The following FGD6 variants were observed in gnomAD, a reference collection of about 807,000 sequenced individuals.
The protein encoded by FGD6 is FYVE, RhoGEF and PH domain containing 6, also known as FYVE, RhoGEF and PH domain-containing protein 6.
A neutral mutation model predicts 149.4 loss-of-function variants in FGD6; 90 were observed. That is an observed-to-expected ratio of 0.60 (90% CI 0.51 to 0.72). The LOEUF is 0.72. Among genes scored for constraint, FGD6 ranks in the 30% least tolerant of loss-of-function variants. The pLI is 0.00. For missense variants in FGD6, 1,437 were observed against 1,684.8 expected, an observed-to-expected ratio of 0.85 and a Z score of 2.57; for synonymous variants, 527 against 584.0, an observed-to-expected ratio of 0.90 and a Z score of 1.41.
intron 14 of FGD6, among the ~76,000 whole-genome samples, chr12:95,104,703 G>A (rs1464345171): frequency 2.6e-5 from 4 of 151,992 alleles, no homozygotes; most frequent in African/African-American, 4.8e-5. Flanking sequence ...TCAGCCTCCC[G>A]AAGTCCTGGT....
At chr12:95,174,122 A>G (rs1239362831) in intron 2 of FGD6, among the ~76,000 whole-genome samples, 3 of 152,094 alleles carry the variant, frequency 2.0e-5, no homozygotes, top group African/African-American at 7.2e-5. Flanking sequence ...GCTCCCCAAG[A>G]CATGCAGGAG....
chr12:95,140,011 G>A (rs897710432), intron 6 of FGD6, among the ~76,000 whole-genome samples: 7 of 152,096 alleles, frequency 4.6e-5, no homozygotes, highest in African/African-American at 1.2e-4. Context: ...CTTAGGCTAC[G>A]GCTATGTATT....
chr12:95,100,504 C>T, intron 14 of FGD6: 1 of 342,708 alleles, frequency 2.9e-6, no homozygotes, highest in South Asian at 2.4e-5. Context: ...TCTCGCCCAC[C>T]ATGTCACTAC....
At chr12:95,124,182 G>A (rs1352965658) in intron 8 of FGD6, among the ~76,000 whole-genome samples, 2 of 152,028 alleles carry the variant, frequency 1.3e-5, no homozygotes, top group African/African-American at 4.8e-5. Flanking sequence ...AAAGAGCTGG[G>A]ATTACAGGCG....
intron 14 of FGD6, chr12:95,100,781 G>A (rs1878401437): frequency 1.8e-5 from 8 of 457,104 alleles, no homozygotes; most frequent in South Asian, 3.5e-5. Flanking sequence ...AGTGATGAGC[G>A]AACAGAAAAA....
intron 8 of FGD6, among the ~76,000 whole-genome samples, chr12:95,117,305 T>A (rs1592839263): frequency 6.6e-6 from 1 of 152,194 alleles, no homozygotes; most frequent in Non-Finnish European, 1.5e-5. Context: ...GGCCACCAGG[T>A]GGCATCACTG....
At chr12:95,139,690 C>G (rs1592848529) in intron 6 of FGD6, among the ~76,000 whole-genome samples, 3 of 111,068 alleles carry the variant, frequency 2.7e-5, no homozygotes, top group East Asian at 5.1e-4. Flanking sequence ...GAGTCTCGCT[C>G]TGTCACCCAG....
chr12:95,083,010 A>ATATAT (rs869151967), intron 20 of FGD6, among the ~76,000 whole-genome samples: 3 of 26,990 alleles, frequency 1.1e-4, no homozygotes, highest in African/African-American at 3.5e-4. Context: ...AAAAAAAAAA[A>ATATAT]AAATATATAT....
At position 95,208,914 on chromosome 12, in the gene FGD6, C is replaced by T. The variant is rs2136303226; in HGVS notation, c.2370G>A (p.Val790=). Residue 790 remains valine, a synonymous_variant, in exon 2 of 21, where the codon GTG becomes GTA. Transcript: ENST00000343958. ...SSSMEDADAN[V]YEVEEPYEAP... Reference sequence around the variant, plus strand: ...CTTCATACGGCTCTTCTACCTCATACACATTTGCATCAGCGTCCTCCATGC... The same window carrying T: ...CTTCATACGGCTCTTCTACCTCATATACATTTGCATCAGCGTCCTCCATGC... 1.9e-6 allele frequency: 3 copies of T among 1,614,134 alleles called. No individual in the cohort carries two copies. The highest frequency in any genetic ancestry group is 1.1e-5 in the South Asian group (1 of 91,078).
intron 5 of FGD6, among the ~76,000 whole-genome samples, chr12:95,149,966 ATATAG>A (rs1409892433): frequency 1.1e-4 from 16 of 145,810 alleles, no homozygotes; most frequent in African/African-American, 3.8e-4. Context: ...ACTATATATT[ATATAG>A]TATACTATAT....
chr12:95,197,070 T>C (rs1881752250), intron 2 of FGD6, among the ~76,000 whole-genome samples: 1 of 152,176 alleles, frequency 6.6e-6, no homozygotes, highest in Admixed American at 6.6e-5. Flanking sequence ...GTGGTTTGCC[T>C]AAGAACTTCT....
chr12:95,160,074 G>A (rs993987704), intron 3 of FGD6, among the ~76,000 whole-genome samples: 3 of 151,532 alleles, frequency 2.0e-5, no homozygotes, highest in Non-Finnish European at 2.9e-5. Flanking sequence ...GCTGTGTGCG[G>A]TGGCTCACGC....
chr12:95,194,610 A>AG (rs1245676294), intron 2 of FGD6, among the ~76,000 whole-genome samples: 22 of 99,188 alleles, frequency 2.2e-4, no homozygotes, highest in African/African-American at 7.9e-4. Flanking sequence ...AAGAGGTGGG[A>AG]GGGGGGTGGG....
chr12:95,089,504 G>A (rs1442099279), intron 18 of FGD6, 65 bp downstream of exon 18: 10 of 1,512,386 alleles, frequency 6.6e-6, no homozygotes, highest in East Asian at 2.3e-5. Flanking sequence ...AAAGAAAAAC[G>A]GTGTATTATA....
At chr12:95,186,443 C>T (rs1443591512) in intron 2 of FGD6, among the ~76,000 whole-genome samples, 2 of 149,306 alleles carry the variant, frequency 1.3e-5, no homozygotes, top group Non-Finnish European at 3.0e-5. Flanking sequence ...AGTGATCCTC[C>T]TGCCTCAGCC....
chr12:95,171,618 C>T lies in FGD6; in HGVS notation c.2586+982G>A, dbSNP rs112174281. ...GCAAGCTCCGCCTCCCGGGTTCACG[C>T]CATTCTCCCGCCTCAGCCTCCTGAG... On this transcript the variant is annotated intron_variant, in intron 3 of 20. Coordinates refer to ENST00000343958, the MANE Select transcript of FGD6 (RefSeq NM_018351.4). Among the ~76,000 whole-genome samples the T allele has an allele frequency of 2.5e-3, 379 of 152,294 alleles. 1 individual carries two copies. Among genetic ancestry groups the T allele is most frequent in the African/African-American group, 8.4e-3 (348 of 41,576 alleles).
At chr12:95,111,086 G>A (rs990005223) in intron 9 of FGD6, among the ~76,000 whole-genome samples, 4 of 151,968 alleles carry the variant, frequency 2.6e-5, no homozygotes, top group African/African-American at 9.7e-5. Context: ...AGGTTCAAGC[G>A]ATTCTCATGC....
intron 6 of FGD6, among the ~76,000 whole-genome samples, chr12:95,139,099 C>T (rs992465869): frequency 2.6e-5 from 4 of 152,026 alleles, no homozygotes; most frequent in African/African-American, 9.7e-5. Context: ...CAACTAACAC[C>T]AAAGAATATG....
In FGD6 at chr12:95,209,215, G is replaced by A. The variant is rs1254793587; in HGVS notation, c.2069C>T (p.Ala690Val). 6.2e-7 allele frequency: 1 copy of A among 1,613,902 alleles called. No homozygotes were observed. Among genetic ancestry groups the A allele is most frequent in the African/African-American group, 1.3e-5 (1 of 74,852 alleles). ...GEEKRSKPIKAYSTENYSLES... is the reference protein window; with the variant it reads ...GEEKRSKPIKVYSTENYSLES... ...CAGGCTATAGTTTTCTGTGGAATAT[G>A]CCTTGATGGGTTTACTTCTCTTCTC... The change falls in exon 2 of 21, where the codon GCA becomes GTA. Residue 690 changes from alanine (A) to valine (V), a missense_variant. Transcript: ENST00000343958.
Sources: gnomAD v4.1 joint callset for allele counts (sites outside exome capture counted in the v4.1 genomes callset) on GRCh38, gnomAD v4.1.1 for gene constraint, MANE v1.5 for transcripts, NCBI Gene and HGNC (gene_info 2026-07-23, HGNC 2026-07-21) for gene names.